Variants in TOM1L1 observed in about 807,000 individuals in gnomAD.
TOM1L1 encodes TOM1-like protein 1.
A neutral mutation model predicts 63.4 loss-of-function variants in TOM1L1; 64 were observed. The observed-to-expected ratio is 1.01, with a 90% CI of 0.83 to 1.24. The LOEUF is 1.24. Among genes scored for constraint, TOM1L1 ranks in the 50% most tolerant of loss-of-function variants. TOM1L1 has a pLI of 0.00. For missense variants in TOM1L1, 536 were observed against 567.0 expected (o/e 0.95, Z 0.55); for synonymous variants, 166 against 194.4 (o/e 0.85, Z 1.22).
At chr17:54,906,899 C>A in intron 3 of TOM1L1, 2 of 740,568 alleles carry the variant, frequency 2.7e-6, no homozygotes, top group Non-Finnish European at 3.3e-6. Context: ...CAGCCCAGCC[C>A]AAGACTGTGC....
chr17:54,917,771 G>A (rs2048615672), intron 7 of TOM1L1, among the ~76,000 whole-genome samples: 2 of 152,224 alleles, frequency 1.3e-5, no homozygotes, highest in South Asian at 4.1e-4. Flanking sequence ...AAGGGAGGAT[G>A]TAATTGCTAC....
intron 7 of TOM1L1, chr17:54,916,198 G>T (rs1260300719): frequency 8.2e-6 from 3 of 366,000 alleles, no homozygotes; most frequent in African/African-American, 2.1e-5. Context: ...ATATAGGAAG[G>T]GATGTAGAAA....
At chr17:54,908,359 G>T (rs552712867) in intron 3 of TOM1L1, among the ~76,000 whole-genome samples, 79 of 152,272 alleles carry the variant, frequency 5.2e-4, no homozygotes, top group Admixed American at 1.2e-3. Context: ...TCACTGCCTT[G>T]CAGAGGTATG....
intron 5 of TOM1L1, among the ~76,000 whole-genome samples, chr17:54,914,368 G>A (rs1343565426): frequency 3.1e-5 from 3 of 97,592 alleles, no homozygotes; most frequent in Non-Finnish European, 7.7e-5. Context: ...TAGACCCTTG[G>A]TTAAAAAAAA....
chr17:54,946,194 C>T (rs181855909), intron 11 of TOM1L1, among the ~76,000 whole-genome samples: 3 of 152,242 alleles, frequency 2.0e-5, no homozygotes, highest in East Asian at 3.9e-4. Context: ...CACTTCTCAC[C>T]GTTTTTGACA....
chr17:54,921,601 G>A (rs2048684913), intron 7 of TOM1L1, among the ~76,000 whole-genome samples: 1 of 152,044 alleles, frequency 6.6e-6, no homozygotes, highest in South Asian at 2.1e-4. Context: ...AACCGGACAT[G>A]GTGGTGGGCG....
chr17:54,960,647 C>G lies in TOM1L1; in HGVS notation c.*1+20C>G. On this transcript the variant is annotated intron_variant, in intron 15 of 15. Transcript: ENST00000575882. ...ACTGAGGTAAAGACTTCAACTTATA[C>G]AACTTAATTCCATATTCCATATAAT... 6.5e-7 allele frequency: 1 copy of G among 1,550,056 alleles called. No individual in the cohort carries two copies. The highest frequency in any genetic ancestry group is 1.4e-5 in the African/African-American group (1 of 73,686).
intron 7 of TOM1L1, among the ~76,000 whole-genome samples, chr17:54,929,221 A>G (rs1024651350): frequency 6.6e-6 from 1 of 152,150 alleles, no homozygotes; most frequent in African/African-American, 2.4e-5. Context: ...GTGTGCCTGG[A>G]AAAAAAGTCA....
intron 7 of TOM1L1, among the ~76,000 whole-genome samples, chr17:54,929,726 A>G (rs2048824885): frequency 6.8e-6 from 1 of 147,040 alleles, no homozygotes; most frequent in Non-Finnish European, 1.5e-5. Flanking sequence ...GAAAACTGAG[A>G]TTTAAAAAAC....
In TOM1L1 at chr17:54,942,745, C is replaced by T. The variant is rs760196192; in HGVS notation, c.1130+3725C>T. On this transcript the variant is annotated intron_variant, in intron 11 of 15. Coordinates refer to ENST00000575882, the MANE Select transcript of TOM1L1 (RefSeq NM_005486.3). ...GTACAGTTTTATTTATTTTAACATA[C>T]GTATAGATTCAAATAACTACCCCCA... is the stretch of plus-strand genomic sequence containing the variant. Among the ~76,000 whole-genome samples, 12 of 152,110 alleles carry T rather than the reference C, an allele frequency of 7.9e-5. 1 individual carries two copies. The South Asian group carries it at 1.7e-3, about 21-fold the overall frequency.
chr17:54,961,311 G>A lies in TOM1L1; in HGVS notation c.*78G>A. ...AACGTAGACTCTGTGCAGCTTTGAA[G>A]CCTGGAAGACAATACCTACCAACAT... On this transcript the variant is annotated 3_prime_UTR_variant, in exon 16 of 16. Transcript: ENST00000575882. The A allele has an allele frequency of 6.4e-7, 1 of 1,551,594 alleles. No homozygotes were observed. Among genetic ancestry groups the A allele is most frequent in the Non-Finnish European group, 8.7e-7 (1 of 1,146,916 alleles).
At position 54,943,759 on chromosome 17, in the gene TOM1L1, A is replaced by T. The variant is rs188086493; in HGVS notation, c.1131-3502A>T. Among the ~76,000 whole-genome samples, 533 of 152,006 alleles carry T rather than the reference A, an allele frequency of 3.5e-3. 2 individuals are homozygous for T. The highest frequency in any genetic ancestry group is 0.012 in the African/African-American group (498 of 41,460). ...TTTGGGAGGCTGAGGCGGGCAGATCATGAGATCAGGAGATCGAGACCATCC... is the reference window on the plus strand; with the variant it reads ...TTTGGGAGGCTGAGGCGGGCAGATCTTGAGATCAGGAGATCGAGACCATCC... On this transcript the variant is annotated intron_variant, in intron 11 of 15. Coordinates refer to ENST00000575882, the MANE Select transcript of TOM1L1 (RefSeq NM_005486.3).
chr17:54,929,703 C>A (rs2048824575), intron 7 of TOM1L1, among the ~76,000 whole-genome samples: 1 of 149,174 alleles, frequency 6.7e-6, no homozygotes, highest in South Asian at 2.1e-4. Flanking sequence ...GTATAATTTT[C>A]ATTTATCAAT....
At position 54,961,369 on chromosome 17, in the gene TOM1L1, TGAA is replaced by T; in HGVS notation, c.*139_*141del. On this transcript the variant is annotated 3_prime_UTR_variant, in exon 16 of 16. Transcript: ENST00000575882. ...CCATGGTGGCACATTTCTGCTATAA[TGAA>T]GATTAAATAGAATAACAGTTCCAGG... 6.4e-7 allele frequency: 1 copy of T among 1,550,910 alleles called. No individual in the cohort carries two copies.
chr17:54,930,441 C>T (rs1330173257), intron 8 of TOM1L1: 4 of 440,206 alleles, frequency 9.1e-6, no homozygotes, highest in African/African-American at 4.0e-5. Flanking sequence ...ATGGTGGCTC[C>T]CAGCTATAAT....
intron 6 of TOM1L1, among the ~76,000 whole-genome samples, chr17:54,915,516 A>T (rs944233920): frequency 6.6e-6 from 1 of 152,060 alleles, no homozygotes; most frequent in Non-Finnish European, 1.5e-5. Flanking sequence ...TAAAATTCCT[A>T]AAGCATATTT....
At position 54,956,494 on chromosome 17, in the gene TOM1L1, G is replaced by C. The variant is rs1598081301; in HGVS notation, c.1371-4072G>C. Among the ~76,000 whole-genome samples the C allele has an allele frequency of 2.0e-5, 3 of 152,158 alleles. No individual in the cohort carries two copies. In the South Asian group the frequency reaches 6.2e-4, roughly 32 times the overall value. ...CTAATTTTTTTGTATATTTAGTAGA[G>C]ACAGGGTTTTGCCACGTTGCCCAGG... is the stretch of plus-strand genomic sequence containing the variant. On this transcript the variant is annotated intron_variant, in intron 14 of 15. Transcript: ENST00000575882.
chr17:54,948,928 G>T (rs1343119031), intron 12 of TOM1L1, among the ~76,000 whole-genome samples: 2 of 152,144 alleles, frequency 1.3e-5, no homozygotes, highest in Non-Finnish European at 2.9e-5. Context: ...AGAGAATCTG[G>T]CCTGAGCCAT....
At chr17:54,916,133 A>G (rs2048585163) in intron 7 of TOM1L1, 2 of 413,880 alleles carry the variant, frequency 4.8e-6, no homozygotes, top group Middle Eastern at 6.1e-4. Context: ...AGTTGTTTTA[A>G]GTATGTAAAA....
Sources: allele counts gnomAD v4.1 joint callset (sites outside exome capture counted in the v4.1 genomes callset), GRCh38; gene constraint gnomAD v4.1.1; transcripts MANE v1.5; gene names NCBI Gene and HGNC (gene_info 2026-07-23, HGNC 2026-07-21).